The following PHKA2 variants were observed in gnomAD, a reference collection of about 807,000 sequenced individuals.
The protein encoded by PHKA2 is phosphorylase kinase regulatory subunit alpha 2.
PHKA2 carries 31 observed loss-of-function variants against 102.0 expected under a neutral mutation model. The ratio of observed to expected loss-of-function variants is 0.30; its 90% confidence interval spans 0.23 to 0.41. The LOEUF (loss-of-function observed/expected upper bound fraction) is 0.41, where lower values mean the gene tolerates loss of function less well. Among genes scored for constraint, PHKA2 ranks in the 10% least tolerant of loss-of-function variants. PHKA2 has a pLI of 1.00. For synonymous variants in PHKA2, 455 were observed against 416.2 expected, an observed-to-expected ratio of 1.09 and a Z score of -1.13; for missense variants, 858 against 1,023.1, an observed-to-expected ratio of 0.84 and a Z score of 2.20.
chrX:18,962,353 T>C (rs961954702), intron 1 of PHKA2, among the ~76,000 whole-genome samples: 3 of 111,897 alleles, frequency 2.7e-5, no homozygotes, highest in South Asian at 3.7e-4. Context: ...ACTTGGACAA[T>C]AGATTGAAAC....
intron 24 of PHKA2, 45 bp from the exon 25 acceptor site, chrX:18,906,669 G>A (rs770194716): frequency 1.3e-4 from 157 of 1,183,019 alleles, no homozygotes; most frequent in Non-Finnish European, 1.8e-4. Context: ...GACAGGGTGA[G>A]TGGCTGAAGG....
At chrX:18,978,862 G>A (rs778790698) in intron 1 of PHKA2, among the ~76,000 whole-genome samples, 3 of 111,390 alleles carry the variant, frequency 2.7e-5, no homozygotes, top group Admixed American at 9.5e-5. Flanking sequence ...ACTCCTGGCC[G>A]GGAGCAGTAG....
At chrX:18,894,987 T>TA in intron 31 of PHKA2, 151 bp downstream of exon 31, 1 of 576,332 alleles carries the variant, frequency 1.7e-6, no homozygotes, top group Non-Finnish European at 3.1e-6. Flanking sequence ...TTTTGCCAAA[T>TA]ATGAGGGTGA....
intron 5 of PHKA2, among the ~76,000 whole-genome samples, chrX:18,945,696 G>C (rs2147973485): frequency 9.0e-6 from 1 of 111,562 alleles, no homozygotes; most frequent in Non-Finnish European, 1.9e-5. Flanking sequence ...AACCTACGTG[G>C]TATTTACAAA....
At chrX:18,905,075 A>T (rs1355916312) in intron 26 of PHKA2, among the ~76,000 whole-genome samples, 1 of 111,596 alleles carries the variant, frequency 9.0e-6, no homozygotes, top group African/African-American at 3.3e-5. Context: ...GGGTGATGTG[A>T]GGCCGGGTTG....
intron 28 of PHKA2, among the ~76,000 whole-genome samples, chrX:18,899,611 A>C (rs1167376402): frequency 8.9e-6 from 1 of 112,127 alleles, no homozygotes; most frequent in Admixed American, 9.4e-5. Context: ...AGATGAACCA[A>C]ATACCTACAG....
chrX:18,956,539 G>A lies in PHKA2; in HGVS notation c.79-2127C>T, dbSNP rs141905539. Among the ~76,000 whole-genome samples, 753 of 111,777 alleles carry A rather than the reference G, an allele frequency of 6.7e-3. 1 individual carries two copies. The highest frequency in any genetic ancestry group is 0.014 in the South Asian group (38 of 2,682). On this transcript the variant is annotated intron_variant, in intron 1 of 32. Transcript: ENST00000379942. ...GTGGTTTGGATTATGAAATATCCCTGTCCTGTTAACTGAAAGTCATCTATC... is the reference window on the plus strand; with the variant it reads ...GTGGTTTGGATTATGAAATATCCCTATCCTGTTAACTGAAAGTCATCTATC...
rs1359331896 is a variant in PHKA2, at chrX:18,926,490, C to T, written c.1422G>A (p.Gln474=). The change falls in exon 14 of 33, where the codon CAG becomes CAA. Residue 474 remains glutamine (Q), a synonymous_variant. Coordinates refer to ENST00000379942, the MANE Select transcript of PHKA2 (RefSeq NM_000292.3). ...ATATGTGACTAAGAATCCGGCCCGG[C>T]TGGACTTGAATTGGATGAATGTCCG... ...SIADIHPIQV[Q]PGRILSHIYA... is the part of the protein sequence containing the mutation. The T allele has an allele frequency of 8.3e-7, 1 of 1,202,521 alleles. No homozygotes were observed. Among genetic ancestry groups the T allele is most frequent in the African/African-American group, 1.7e-5 (1 of 57,220 alleles).
intron 32 of PHKA2, 158 bp downstream of exon 32, chrX:18,894,046 T>A (rs1467188678): frequency 5.7e-6 from 3 of 529,269 alleles, no homozygotes; most frequent in East Asian, 3.6e-5. Flanking sequence ...ATTTCCCAAG[T>A]GGCCACTGTA....
intron 19 of PHKA2, among the ~76,000 whole-genome samples, chrX:18,913,508 C>T (rs1239993230): frequency 9.2e-6 from 1 of 109,103 alleles, no homozygotes; most frequent in East Asian, 2.9e-4. Context: ...CTGGTTCAAG[C>T]GACTCTCCCA....
At chrX:18,944,604 C>A (rs755462491) in intron 6 of PHKA2, among the ~76,000 whole-genome samples, 3 of 111,552 alleles carry the variant, frequency 2.7e-5, no homozygotes, top group Non-Finnish European at 5.7e-5. Context: ...AATCAGAGTA[C>A]CTTCAGGGAA....
chrX:18,921,457 A>G (rs982368013), intron 17 of PHKA2, among the ~76,000 whole-genome samples: 2 of 112,125 alleles, frequency 1.8e-5, no homozygotes, highest in Admixed American at 9.4e-5. Context: ...GAAATAGAGG[A>G]AAAGCCAAAA....
In PHKA2 at chrX:18,901,437, G is replaced by T. The variant is rs201339926; in HGVS notation, c.3027+48C>A. On this transcript the variant is annotated intron_variant, in intron 27 of 32. Coordinates refer to ENST00000379942, the MANE Select transcript of PHKA2 (RefSeq NM_000292.3). ...TCTGTCGCTTTCTGGGGTAAGCCCA[G>T]GTAGGGAGACCACCACTCATCCCTC... 985 of 837,108 alleles carry T rather than the reference G, an allele frequency of 1.2e-3. 3 individuals are homozygous for T. The Middle Eastern group carries it at 0.016, about 14-fold the overall frequency. The allele number at this position is 837,108 out of a possible 1,213,427, so 69.0% of individuals were successfully genotyped here.
intron 18 of PHKA2, 48 bp from the exon 19 acceptor site, chrX:18,918,902 A>T: frequency 9.3e-7 from 1 of 1,072,177 alleles, no homozygotes; most frequent in Non-Finnish European, 1.3e-6. Context: ...CAAGCTGTAG[A>T]AATATGACTA....
rs757315155 is a variant in PHKA2, at chrX:18,945,056, GAACA to G, written c.618+18_618+21del. The G allele has an allele frequency of 4.7e-6, 5 of 1,065,761 alleles. No individual in the cohort carries two copies. The South Asian group carries it at 9.3e-5, about 20-fold the overall frequency. 87.8% of individuals were successfully genotyped at this position (1,065,761 alleles called of 1,213,427 possible). A position where few individuals can be genotyped will look rare whatever the true frequency, so the allele number is the denominator to read the frequency against. The stretch of plus-strand genomic sequence containing the variant: ...AAGCAGTAAAAACATGCAGAAGGAA[GAACA>G]AACAGGACAACTGTCACCTTGGCCA... On this transcript the variant is annotated intron_variant, in intron 6 of 32. Coordinates refer to ENST00000379942, the MANE Select transcript of PHKA2 (RefSeq NM_000292.3).
chrX:18,965,561 G>A (rs1197588077), intron 1 of PHKA2, among the ~76,000 whole-genome samples: 3 of 111,213 alleles, frequency 2.7e-5, no homozygotes, highest in African/African-American at 6.6e-5. Flanking sequence ...GATCCGCTAC[G>A]AGTCCATGAA....
intron 32 of PHKA2, 144 bp from the exon 33 acceptor site, chrX:18,893,799 G>T: frequency 1.8e-6 from 1 of 548,531 alleles, no homozygotes; most frequent in African/African-American, 2.2e-5. Context: ...CTCCAATTCT[G>T]AGGGCATGAG....
chrX:18,953,649 G>A (rs1169142302), intron 2 of PHKA2, among the ~76,000 whole-genome samples: 1 of 111,892 alleles, frequency 8.9e-6, no homozygotes, highest in Non-Finnish European at 1.9e-5. Context: ...AAGTACGTGT[G>A]AAAGAAATGT....
chrX:18,925,244 T>C (rs1177936031), intron 15 of PHKA2, among the ~76,000 whole-genome samples: 1 of 112,518 alleles, frequency 8.9e-6, no homozygotes, highest in Non-Finnish European at 1.9e-5. Flanking sequence ...ACTAGTTTTC[T>C]TTGGAAACCA....
Sources: allele counts gnomAD v4.1 joint callset (sites outside exome capture counted in the v4.1 genomes callset), GRCh38; gene constraint gnomAD v4.1.1; transcripts MANE v1.5; gene names NCBI Gene and HGNC (gene_info 2026-07-23, HGNC 2026-07-21).